TCP11L2: variants seen among roughly 807,000 people sequenced by gnomAD.
TCP11L2 encodes T-complex protein 11-like protein 2.
TCP11L2 carries 39 observed loss-of-function variants against 50.7 expected under a neutral mutation model. The ratio of observed to expected loss-of-function variants is 0.77; its 90% CI spans 0.60 to 1.01. The LOEUF (loss-of-function observed/expected upper bound fraction) is 1.01. TCP11L2 is among the 50% of genes least tolerant of loss of function. The pLI is 0.00. For synonymous variants in TCP11L2, 192 were observed against 219.3 expected, an observed-to-expected ratio of 0.88 and a Z score of 1.10; for missense variants, 612 against 614.7, an observed-to-expected ratio of 1.00 and a Z score of 0.05.
Position 106,321,589 on chromosome 12 carries a change from T to G in TCP11L2, c.518T>G (p.Val173Gly), listed in dbSNP as rs552042741. The change falls in exon 5 of 10, where the codon GTT (valine) becomes GGT (glycine). Residue 173 changes from valine to glycine, a missense_variant. Physicochemically the swap from Val to Gly is moderately radical, Grantham distance 109. Coordinates refer to ENST00000299045, the MANE Select transcript of TCP11L2 (RefSeq NM_152772.3). ...AGGCAGCAGGCTGAGCACAGTGCTGTTGACATCCAAGGCCTGGCCAACTAT... is the reference window on the plus strand; with the variant it reads ...AGGCAGCAGGCTGAGCACAGTGCTGGTGACATCCAAGGCCTGGCCAACTAT... ...LIRQQAEHSA[V>G]DIQGLANYVI... 1.9e-6 allele frequency: 3 copies of G among 1,614,234 alleles called. No homozygotes were observed. The highest frequency in any genetic ancestry group is 2.5e-6 in the Non-Finnish European group (3 of 1,180,034).
Position 106,340,951 on chromosome 12 carries a change from A to G in TCP11L2, c.1268A>G (p.Gln423Arg). The change falls in exon 9 of 10, where the codon CAA (glutamine) becomes CGA (arginine). Residue 423 changes from glutamine to arginine, a missense_variant. Physicochemically the swap from Gln to Arg is conservative, Grantham distance 43. Coordinates refer to ENST00000299045, the MANE Select transcript of TCP11L2 (RefSeq NM_152772.3). ...GAGATTCAAGCTAATCTTATAGGTC[A>G]ATTTTCAAGCATTGAAGAGGAGGAC... ...NAEIQANLIG[Q>R]FSSIEEEDNP... 1 of 1,613,446 alleles carries G rather than the reference A, an allele frequency of 6.2e-7. No homozygotes were observed.
chr12:106,345,816 G>A (rs968431679), intron 9 of TCP11L2, among the ~76,000 whole-genome samples: 2 of 152,216 alleles, frequency 1.3e-5, no homozygotes, highest in Non-Finnish European at 2.9e-5. Flanking sequence ...CTGTGACTCA[G>A]GATGGAAGCT....
At chr12:106,328,566 A>T (rs537893123) in intron 6 of TCP11L2, among the ~76,000 whole-genome samples, 1 of 152,146 alleles carries the variant, frequency 6.6e-6, no homozygotes, top group South Asian at 2.1e-4. Flanking sequence ...AAACAAAACA[A>T]AAAACAGTGG....
intron 7 of TCP11L2, 35 bp from the exon 8 acceptor site, chr12:106,335,997 C>T: frequency 6.5e-7 from 1 of 1,539,362 alleles, no homozygotes; most frequent in Non-Finnish European, 8.7e-7. Flanking sequence ...ATTGAGCTAC[C>T]CTTTCTATTT....
At chr12:106,326,518 C>T (rs770565004) in intron 6 of TCP11L2, among the ~76,000 whole-genome samples, 10 of 152,178 alleles carry the variant, frequency 6.6e-5, no homozygotes, top group Admixed American at 3.9e-4. Flanking sequence ...TGCTAGCTAA[C>T]ATTTTGTATG....
intron 6 of TCP11L2, chr12:106,329,188 C>A: frequency 1.0e-6 from 1 of 972,538 alleles, no homozygotes; most frequent in Non-Finnish European, 1.5e-6. Flanking sequence ...CCTTACTAGA[C>A]TAGGAACTTC....
intron 9 of TCP11L2, among the ~76,000 whole-genome samples, chr12:106,341,312 T>G (rs2036088898): frequency 6.6e-6 from 1 of 152,326 alleles, no homozygotes; most frequent in South Asian, 2.1e-4. Flanking sequence ...TGGCAGTATG[T>G]TCACAGATAG....
At chr12:106,338,293 T>A (rs1310299651) in intron 8 of TCP11L2, among the ~76,000 whole-genome samples, 2 of 152,316 alleles carry the variant, frequency 1.3e-5, no homozygotes, top group Non-Finnish European at 1.5e-5. Context: ...CATAGTTAGT[T>A]TTTCAACCCT....
chr12:106,319,938 C>T (rs570678861), intron 4 of TCP11L2, among the ~76,000 whole-genome samples: 8 of 152,250 alleles, frequency 5.3e-5, no homozygotes, highest in African/African-American at 1.7e-4. Context: ...CTTAATCGAC[C>T]CCATGGGATA....
intron 5 of TCP11L2, among the ~76,000 whole-genome samples, chr12:106,323,248 CAAATGA>C (rs1278561394): frequency 6.6e-6 from 1 of 152,100 alleles, no homozygotes; most frequent in African/African-American, 2.4e-5. Flanking sequence ...CAGGGGTTTT[CAAATGA>C]AAATTCCTTC....
intron 1 of TCP11L2, among the ~76,000 whole-genome samples, chr12:106,306,281 T>C (rs767970347): frequency 6.6e-6 from 1 of 152,260 alleles, no homozygotes; most frequent in African/African-American, 2.4e-5. Flanking sequence ...GTCGTGAGAA[T>C]AGTATAAGGA....
At chr12:106,338,297 C>A (rs556299829) in intron 8 of TCP11L2, among the ~76,000 whole-genome samples, 38 of 152,288 alleles carry the variant, frequency 2.5e-4, no homozygotes, top group African/African-American at 8.9e-4. Context: ...GTTAGTTTTT[C>A]AACCCTCACC....
At position 106,346,368 on chromosome 12, in the gene TCP11L2, A is replaced by G; in HGVS notation, c.1398A>G (p.Leu466=). 2 of 1,614,148 alleles carry G rather than the reference A, an allele frequency of 1.2e-6. No homozygotes were observed. Among genetic ancestry groups the G allele is most frequent in the Non-Finnish European group, 1.7e-6 (2 of 1,179,988 alleles). ...QKCMPPMPGG[L]AVIQQELEAL... is the part of the protein sequence containing the mutation. ...GCATGCCTCCTATGCCAGGAGGCCT[A>G]GCTGTCATTCAGCAGGAGCTAGAAG... The change falls in exon 10 of 10, where the codon CTA becomes CTG. Residue 466 remains leucine, a synonymous_variant. Coordinates refer to ENST00000299045, the MANE Select transcript of TCP11L2 (RefSeq NM_152772.3).
At chr12:106,314,237 C>A in intron 2 of TCP11L2, 121 bp from the exon 3 acceptor site, 1 of 1,036,370 alleles carries the variant, frequency 9.6e-7, no homozygotes, top group Non-Finnish European at 1.4e-6. Context: ...ATATAGTCTC[C>A]TGACCTATAA....
At chr12:106,326,160 G>A (rs1351088644) in intron 6 of TCP11L2, among the ~76,000 whole-genome samples, 2 of 152,116 alleles carry the variant, frequency 1.3e-5, no homozygotes, top group African/African-American at 2.4e-5. Context: ...GAGTTAGGTG[G>A]TTTCTGCCGA....
chr12:106,328,401 G>A (rs1320352977), intron 6 of TCP11L2, among the ~76,000 whole-genome samples: 3 of 152,156 alleles, frequency 2.0e-5, no homozygotes, highest in African/African-American at 4.8e-5. Context: ...AAAATTAGCC[G>A]GGTGTGGTGG....
intron 9 of TCP11L2, among the ~76,000 whole-genome samples, chr12:106,342,647 A>G (rs1337169553): frequency 2.0e-5 from 3 of 152,218 alleles, no homozygotes; most frequent in Admixed American, 2.0e-4. Context: ...ACGTGCACAT[A>G]TATTTAATAA....
intron 6 of TCP11L2, among the ~76,000 whole-genome samples, chr12:106,330,597 A>G (rs2035714286): frequency 6.6e-6 from 1 of 152,176 alleles, no homozygotes; most frequent in Admixed American, 6.5e-5. Context: ...GAATGAATCC[A>G]TTTCGTGATG....
At chr12:106,309,570 C>T (rs535795728) in intron 1 of TCP11L2, among the ~76,000 whole-genome samples, 3 of 152,068 alleles carry the variant, frequency 2.0e-5, no homozygotes, top group South Asian at 2.1e-4. Flanking sequence ...GTCCCCATCA[C>T]CATCCAAGGA....
Sources: gnomAD v4.1 joint callset for allele counts (sites outside exome capture counted in the v4.1 genomes callset) on GRCh38, gnomAD v4.1.1 for gene constraint, MANE v1.5 for transcripts, NCBI Gene and HGNC (gene_info 2026-07-23, HGNC 2026-07-21) for gene names.